HCN4: variants seen among roughly 807,000 people sequenced by gnomAD.
The protein encoded by HCN4 is potassium/sodium hyperpolarization-activated cyclic nucleotide-gated channel 4.
Under a neutral mutation model 76.9 loss-of-function variants are expected in HCN4, and 29 were observed. The ratio of observed to expected loss-of-function variants is 0.38; its 90% confidence interval spans 0.28 to 0.51. The LOEUF is 0.51. HCN4 is among the 20% of genes least tolerant of loss of function. HCN4 has a pLI of 0.90. For missense variants in HCN4, 1,416 were observed against 1,715.2 expected (o/e 0.83, Z 3.08); for synonymous variants, 772 against 762.5 (o/e 1.01, Z -0.21).
At chr15:73,353,985 G>C (rs1339126585) in intron 1 of HCN4, among the ~76,000 whole-genome samples, 1 of 152,026 alleles carries the variant, frequency 6.6e-6, no homozygotes, top group Non-Finnish European at 1.5e-5. Flanking sequence ...GGCCACTAGG[G>C]CTCTATTTTT....
At chr15:73,330,709 G>A (rs1435811180) in intron 3 of HCN4, among the ~76,000 whole-genome samples, 2 of 152,232 alleles carry the variant, frequency 1.3e-5, no homozygotes, top group African/African-American at 4.8e-5. Context: ...CCCAGGGGAA[G>A]GCGCAGGAGC....
rs1034155933 is a variant in HCN4 at position 73,367,095 on chromosome 15, G to T, written c.785+391C>A. Among the ~76,000 whole-genome samples the T allele has an allele frequency of 6.6e-6, 1 of 152,196 alleles. No individual in the cohort carries two copies. Among genetic ancestry groups the T allele is most frequent in the Non-Finnish European group, 1.5e-5 (1 of 68,026 alleles). On this transcript the variant is annotated intron_variant, in intron 1 of 7. Transcript: ENST00000261917. This position sits in a 1 kb window ranked among gnomAD's most constrained non-coding sequence, Gnocchi z 7.5. ...TGCTAAGAGGTCTGTCTCTCTTCAC[G>T]GCCCTGCTCTGCAGGCTGAATGACC...
intron 1 of HCN4, among the ~76,000 whole-genome samples, chr15:73,365,329 C>G (rs2043123620): frequency 6.6e-6 from 1 of 152,232 alleles, no homozygotes; most frequent in East Asian, 1.9e-4. Flanking sequence ...CAGCTCCAGA[C>G]AGCTACAAGG....
chr15:73,352,207 TG>T (rs1231249802), intron 1 of HCN4, among the ~76,000 whole-genome samples: 1 of 151,726 alleles, frequency 6.6e-6, no homozygotes, highest in Non-Finnish European at 1.5e-5. Flanking sequence ...TACGAATGAG[TG>T]GATGGGGGAT....
intron 1 of HCN4, among the ~76,000 whole-genome samples, chr15:73,366,894 CT>C (rs1428424376): frequency 2.0e-5 from 3 of 152,236 alleles, no homozygotes; most frequent in African/African-American, 7.2e-5. Context: ...GGTGCCTGCT[CT>C]TGGCCCACCA....
rs767982466 is a variant in HCN4, at chr15:73,367,598, C to G, written c.673G>C (p.Gly225Arg). The G allele has an allele frequency of 1.9e-6, 3 of 1,613,720 alleles. No individual in the cohort carries two copies. In the South Asian group the frequency reaches 3.3e-5, roughly 18 times the overall value. Reference sequence around the variant, plus strand: ...ATCCTTAGGGAGAATTTGTTGACCCCGGGTTGGAGCATGGCCCCGAACTGG... The same window carrying G: ...ATCCTTAGGGAGAATTTGTTGACCCGGGGTTGGAGCATGGCCCCGAACTGG... Reference protein sequence around the residue: ...QRQFGAMLQPGVNKFSLRMFG... With the variant: ...QRQFGAMLQPRVNKFSLRMFG... Residue 225 changes from glycine (G) to arginine (R), a missense_variant, in exon 1 of 8, where the codon GGG (glycine) becomes CGG (arginine). Transcript: ENST00000261917. The surrounding 1 kb of genome is among the most constrained non-coding windows in gnomAD (Gnocchi z 7.5).
chr15:73,341,595 C>T (rs186998595), intron 2 of HCN4, among the ~76,000 whole-genome samples: 60 of 152,206 alleles, frequency 3.9e-4, no homozygotes, highest in African/African-American at 1.4e-3. Flanking sequence ...AGTGTGGAGC[C>T]GGGATTTTAA....
At chr15:73,359,017 A>G (rs1567796323) in intron 1 of HCN4, among the ~76,000 whole-genome samples, 1 of 152,172 alleles carries the variant, frequency 6.6e-6, no homozygotes, top group Admixed American at 6.5e-5. Flanking sequence ...CCAGAGGATA[A>G]TGTATTAGCC....
At chr15:73,355,930 A>T (rs893874391) in intron 1 of HCN4, among the ~76,000 whole-genome samples, 1 of 152,034 alleles carries the variant, frequency 6.6e-6, no homozygotes, top group African/African-American at 2.4e-5. Context: ...CAGTTGGAGA[A>T]CCTCTCAGTC....
chr15:73,326,985 C>T (rs2042904151), intron 4 of HCN4, among the ~76,000 whole-genome samples: 1 of 151,774 alleles, frequency 6.6e-6, no homozygotes, highest in Non-Finnish European at 1.5e-5. Flanking sequence ...CAGGGTTTTG[C>T]CACGTTGCCC....
Position 73,368,201 on chromosome 15 carries a change from A to G in HCN4, c.70T>C (p.Trp24Arg). 1 of 1,533,234 alleles carries G rather than the reference A, an allele frequency of 6.5e-7. No homozygotes were observed. Among genetic ancestry groups the G allele is most frequent in the Non-Finnish European group, 8.8e-7 (1 of 1,141,640 alleles). The allele number at this position is 1,533,234 out of a possible 1,614,324, so 95.0% of individuals were successfully genotyped here. A position where few individuals can be genotyped will look rare whatever the true frequency, so the allele number is the denominator to read the frequency against. ...GCGTCCTCTTCCTCGTCCATGATCC[A>G]CGCCTTGGCCCCCACCTGCTGCGGG... ...SLPQQVGAKAWIMDEEEDAEE... is the reference protein window; with the variant it reads ...SLPQQVGAKARIMDEEEDAEE... The change falls in exon 1 of 8, where the codon TGG becomes CGG. Residue 24 changes from tryptophan (W) to arginine (R), a missense_variant. Physicochemically the swap from Trp to Arg is moderately radical, Grantham distance 101. Transcript: ENST00000261917. The surrounding 1 kb of genome is among the most constrained non-coding windows in gnomAD (Gnocchi z 6.9).
chr15:73,326,482 G>A (rs1240459094), intron 4 of HCN4, among the ~76,000 whole-genome samples: 1 of 152,282 alleles, frequency 6.6e-6, no homozygotes, highest in Non-Finnish European at 1.5e-5. Context: ...GGAGGCAGCT[G>A]GAAAACCTGG....
At chr15:73,334,448 G>T (rs572221616) in intron 2 of HCN4, among the ~76,000 whole-genome samples, 1 of 152,180 alleles carries the variant, frequency 6.6e-6, no homozygotes, top group East Asian at 1.9e-4. Context: ...ACCAGCCGGG[G>T]GGAAGATCCC....
intron 1 of HCN4, among the ~76,000 whole-genome samples, chr15:73,351,450 T>C (rs2043054810): frequency 6.6e-6 from 1 of 152,178 alleles, no homozygotes; most frequent in African/African-American, 2.4e-5. Context: ...GCTTCACAGC[T>C]TCCTCCACAC....
chr15:73,326,793 ATTTT>A (rs990120364), intron 4 of HCN4, among the ~76,000 whole-genome samples: 4 of 144,970 alleles, frequency 2.8e-5, no homozygotes, highest in Non-Finnish European at 3.0e-5. Context: ...TTATTTATTT[ATTTT>A]TTTTGTTAAG....
rs1412806052 is a variant in HCN4, at chr15:73,328,986, C to T, written c.1590+587G>A. Among the ~76,000 whole-genome samples, 2 of 152,138 alleles carry T rather than the reference C, an allele frequency of 1.3e-5. No homozygotes were observed. The highest frequency in any genetic ancestry group is 2.9e-5 in the Non-Finnish European group (2 of 68,014). ...GTGTCCAGAGAGGGATGAAATAAAC[C>T]ACCTGGAGCTGAGAGATGAGGTGGG... On this transcript the variant is annotated intron_variant, in intron 4 of 7. Coordinates refer to ENST00000261917, the MANE Select transcript of HCN4 (RefSeq NM_005477.3). The surrounding 1 kb of genome is among the most constrained non-coding windows in gnomAD (Gnocchi z 4.0).
intron 1 of HCN4, among the ~76,000 whole-genome samples, chr15:73,362,435 G>A (rs1416973501): frequency 1.3e-5 from 2 of 152,256 alleles, no homozygotes; most frequent in African/African-American, 4.8e-5. Flanking sequence ...CGCTTAATGA[G>A]AAATACAGCA....
At chr15:73,342,504 A>T (rs2043011027) in intron 2 of HCN4, 1 of 152,234 alleles carries the variant, frequency 6.6e-6, no homozygotes, top group Non-Finnish European at 1.5e-5. Context: ...AGGTAAGGGG[A>T]TATAAACATT....
intron 1 of HCN4, among the ~76,000 whole-genome samples, chr15:73,344,185 G>A (rs1031845027): frequency 3.9e-5 from 6 of 152,208 alleles, no homozygotes; most frequent in African/African-American, 1.4e-4. Context: ...CCCAGGCTCA[G>A]GCTAGGCTGC....
Sources: allele counts gnomAD v4.1 joint callset (sites outside exome capture counted in the v4.1 genomes callset), GRCh38; gene constraint gnomAD v4.1.1; non-coding constraint Gnocchi (gnomAD v3.1); transcripts MANE v1.5; gene names NCBI Gene and HGNC (gene_info 2026-07-23, HGNC 2026-07-21).